COL21A1: variants seen among roughly 807,000 people sequenced by gnomAD.
COL21A1 encodes the protein collagen type XXI alpha 1 chain.
A neutral mutation model predicts 137.9 loss-of-function variants in COL21A1; 149 were observed. The observed-to-expected ratio is 1.08, with a 90% CI of 0.95 to 1.24. The LOEUF (loss-of-function observed/expected upper bound fraction) is 1.24. Ranked by LOEUF, COL21A1 falls within the 50% of genes most tolerant of loss-of-function variation. COL21A1 has a pLI of 0.00. For synonymous variants in COL21A1, 456 were observed against 391.5 expected (o/e 1.16, Z -1.95); for missense variants, 1,167 against 1,158.4 (o/e 1.01, Z -0.11).
intron 13 of COL21A1, 127 bp from the exon 14 acceptor site, chr6:56,125,747 T>C (rs1773005500): frequency 1.6e-6 from 1 of 639,374 alleles, no homozygotes; most frequent in Admixed American, 3.5e-5. Flanking sequence ...AATAAAATAA[T>C]TTAAAGTTTG....
intron 1 of COL21A1, among the ~76,000 whole-genome samples, chr6:56,194,959 G>A (rs1694487290): frequency 6.6e-6 from 1 of 152,090 alleles, no homozygotes; most frequent in Admixed American, 6.6e-5. Context: ...CAGATTAGTG[G>A]ATTAATAAAT....
At chr6:56,288,989 A>T (rs1465358549) in intron 1 of COL21A1, among the ~76,000 whole-genome samples, 3 of 152,204 alleles carry the variant, frequency 2.0e-5, no homozygotes, top group Non-Finnish European at 2.9e-5. Flanking sequence ...TCTGAGTCCT[A>T]AGCTATGTAA....
chr6:56,389,316 G>A (rs749047888), intron 1 of COL21A1, among the ~76,000 whole-genome samples: 3 of 151,470 alleles, frequency 2.0e-5, no homozygotes, highest in Non-Finnish European at 4.4e-5. Context: ...CCAAGATCAC[G>A]CCACTGCACT....
chr6:56,168,049 G>C (rs1462963097), intron 6 of COL21A1, 75 bp downstream of exon 6: 1 of 998,020 alleles, frequency 1.0e-6, no homozygotes, highest in African/African-American at 1.6e-5. Context: ...ATGATTAAAT[G>C]TGGTGAAAAC....
At chr6:56,148,338 C>CACAGAGAGAGAGAGAGAGAGAGAGAGAG (rs1775002377) in intron 10 of COL21A1, among the ~76,000 whole-genome samples, 1 of 133,176 alleles carries the variant, frequency 7.5e-6, no homozygotes, top group African/African-American at 2.9e-5. Flanking sequence ...AGACAAGAGA[C>CACAGAGAGAGAGAGAGAGAGAGAGAGAG]AGAGAGAGAG....
At chr6:56,254,705 C>T (rs1371022056) in intron 1 of COL21A1, among the ~76,000 whole-genome samples, 1 of 152,096 alleles carries the variant, frequency 6.6e-6, no homozygotes, top group Non-Finnish European at 1.5e-5. Context: ...CTATAAAAAT[C>T]CCAGCTCCTT....
chr6:56,099,135 T>G (rs1048956167), intron 17 of COL21A1, among the ~76,000 whole-genome samples: 3 of 151,982 alleles, frequency 2.0e-5, no homozygotes, highest in African/African-American at 7.3e-5. Flanking sequence ...CCGGTCAGTC[T>G]GCCCTTTCTA....
intron 1 of COL21A1, among the ~76,000 whole-genome samples, chr6:56,343,322 G>C (rs923896055): frequency 6.6e-6 from 1 of 152,078 alleles, no homozygotes; most frequent in South Asian, 2.1e-4. Context: ...CCTGAGCAAG[G>C]TAAGGCTTTT....
intron 9 of COL21A1, among the ~76,000 whole-genome samples, chr6:56,163,223 C>A (rs558668298): frequency 8.7e-4 from 133 of 152,230 alleles, no homozygotes; most frequent in Non-Finnish European, 1.5e-3. Flanking sequence ...AAGAGGTGAT[C>A]AATACACATA....
chr6:56,367,542 G>C (rs985091135), intron 1 of COL21A1, among the ~76,000 whole-genome samples: 1 of 152,204 alleles, frequency 6.6e-6, no homozygotes, highest in South Asian at 2.1e-4. Flanking sequence ...AATAAGGGGA[G>C]ATAACCAATC....
At chr6:56,088,657 G>A (rs1768496580) in intron 17 of COL21A1, among the ~76,000 whole-genome samples, 2 of 152,092 alleles carry the variant, frequency 1.3e-5, no homozygotes, top group Non-Finnish European at 2.9e-5. Flanking sequence ...TTCTTATAAT[G>A]TCACAACTTT....
rs1003777040 is a variant in COL21A1, at chr6:56,308,694, C to A, written c.-39+85277G>T. ...TAGTTAAGAATAATATATTGTACAT[C>A]AAAATTTTTGTAGAGGATAGATCTC... is the stretch of plus-strand genomic sequence containing the variant. On this transcript the variant is annotated intron_variant, in intron 1 of 28. Transcript: ENST00000370819. 4.0e-5 allele frequency among the ~76,000 whole-genome samples: 6 copies of A among 151,254 alleles called. No homozygotes were observed. The Admixed American group carries it at 4.0e-4, about 10-fold the overall frequency.
intron 1 of COL21A1, among the ~76,000 whole-genome samples, chr6:56,270,442 G>A (rs1763499798): frequency 6.6e-6 from 1 of 152,168 alleles, no homozygotes; most frequent in Non-Finnish European, 1.5e-5. Flanking sequence ...CTGATGAAAA[G>A]GCTTAGACAG....
At chr6:56,101,758 T>C (rs1286603638) in intron 16 of COL21A1, among the ~76,000 whole-genome samples, 4 of 149,382 alleles carry the variant, frequency 2.7e-5, no homozygotes, top group Non-Finnish European at 4.5e-5. Context: ...ATTAAGTTAT[T>C]AAATAACTGT....
chr6:56,324,848 A>C (rs2152342042), intron 1 of COL21A1, among the ~76,000 whole-genome samples: 1 of 152,090 alleles, frequency 6.6e-6, no homozygotes, highest in Non-Finnish European at 1.5e-5. Context: ...ATCTATCTTA[A>C]AGCGGGTCAG....
intron 17 of COL21A1, among the ~76,000 whole-genome samples, chr6:56,099,963 T>C (rs1770305557): frequency 6.6e-6 from 1 of 152,176 alleles, no homozygotes. Flanking sequence ...CACCAGGAGC[T>C]CATACACTGC....
At chr6:56,187,633 T>G (rs1042909811) in intron 1 of COL21A1, among the ~76,000 whole-genome samples, 2 of 152,028 alleles carry the variant, frequency 1.3e-5, no homozygotes, top group African/African-American at 4.8e-5. Flanking sequence ...AATAAACACA[T>G]GGAATAAAAT....
At chr6:56,201,908 AT>A (rs1445767152) in intron 1 of COL21A1, among the ~76,000 whole-genome samples, 1 of 152,166 alleles carries the variant, frequency 6.6e-6, no homozygotes, top group East Asian at 1.9e-4. Context: ...TAAAGCATTC[AT>A]TTTTAAACTT....
intron 1 of COL21A1, among the ~76,000 whole-genome samples, chr6:56,202,305 T>C (rs867530881): frequency 6.6e-6 from 1 of 152,106 alleles, no homozygotes; most frequent in African/African-American, 2.4e-5. Context: ...AATCACAGCA[T>C]TTCCCATTGC....
Sources: gnomAD v4.1 joint callset for allele counts (sites outside exome capture counted in the v4.1 genomes callset) on GRCh38, gnomAD v4.1.1 for gene constraint, MANE v1.5 for transcripts, NCBI Gene and HGNC (gene_info 2026-07-23, HGNC 2026-07-21) for gene names.